The following MAP4K5 variants were observed in gnomAD, a reference collection of about 807,000 sequenced individuals.
The protein encoded by MAP4K5 is MAPK/ERK kinase kinase kinase 5.
In MAP4K5, 82 loss-of-function variants were observed where a neutral mutation model predicts 135.6. The ratio of observed to expected loss-of-function variants is 0.60; its 90% CI spans 0.51 to 0.73. MAP4K5 has a LOEUF of 0.73. MAP4K5 is among the 30% of genes least tolerant of loss of function. The pLI is 0.00. For synonymous variants in MAP4K5, 347 were observed against 335.0 expected, an observed-to-expected ratio of 1.04 and a Z score of -0.39; for missense variants, 907 against 1,010.9, an observed-to-expected ratio of 0.90 and a Z score of 1.39.
In MAP4K5 at chr14:50,468,160, C is replaced by G. The variant is rs28643464; in HGVS notation, c.674+491G>C. Among the ~76,000 whole-genome samples, 7 of 151,828 alleles carry G rather than the reference C, an allele frequency of 4.6e-5. No individual in the cohort carries two copies. The East Asian group carries it at 9.6e-4, about 21-fold the overall frequency. On this transcript the variant is annotated intron_variant, in intron 10 of 32. Coordinates refer to ENST00000682126, the MANE Select transcript of MAP4K5 (RefSeq NM_006575.6). ...TAAAAAGAAACAAAATCAAATATAA[C>G]TAGAAAAGTTTCATCTGCATTCTAT...
At chr14:50,508,046 A>G (rs942418652) in intron 2 of MAP4K5, among the ~76,000 whole-genome samples, 1 of 152,078 alleles carries the variant, frequency 6.6e-6, no homozygotes, top group Non-Finnish European at 1.5e-5. Flanking sequence ...TTGGGTGCAT[A>G]TATATTTAGG....
At chr14:50,456,842 A>T in intron 13 of MAP4K5, 1 of 370,812 alleles carries the variant, frequency 2.7e-6, no homozygotes, top group Non-Finnish European at 4.8e-6. Flanking sequence ...CTTACAGTCT[A>T]GGAAGATAAG....
Position 50,530,435 on chromosome 14 carries a change from T to C in MAP4K5, c.108+1507A>G, listed in dbSNP as rs958006159. ...TTATTGTAGTAGGGAGAAGAGAATA[T>C]ATACAAGTAGAATTTATACTATTGT... On this transcript the variant is annotated intron_variant, in intron 2 of 32. Transcript: ENST00000682126. 2.0e-5 allele frequency among the ~76,000 whole-genome samples: 3 copies of C among 152,198 alleles called. No homozygotes were observed. The East Asian group carries it at 5.8e-4, about 29-fold the overall frequency.
intron 3 of MAP4K5, among the ~76,000 whole-genome samples, chr14:50,491,606 T>C (rs1213860653): frequency 6.6e-6 from 1 of 152,068 alleles, no homozygotes; most frequent in Non-Finnish European, 1.5e-5. Flanking sequence ...TTATTATCTC[T>C]TAAACTCCTA....
intron 14 of MAP4K5, among the ~76,000 whole-genome samples, chr14:50,453,658 C>T (rs1039664014): frequency 6.6e-6 from 1 of 152,118 alleles, no homozygotes; most frequent in African/African-American, 2.4e-5. Flanking sequence ...TTTCTGAACA[C>T]AACACTTCAA....
At chr14:50,476,516 G>C (rs568814984) in intron 6 of MAP4K5, among the ~76,000 whole-genome samples, 2 of 152,290 alleles carry the variant, frequency 1.3e-5, no homozygotes, top group South Asian at 4.1e-4. Flanking sequence ...CTGGAGTGCA[G>C]TGGCAGTGAT....
chr14:50,554,542 C>CA (rs1254385285), intron 1 of MAP4K5, among the ~76,000 whole-genome samples: 1 of 152,144 alleles, frequency 6.6e-6, no homozygotes, highest in Non-Finnish European at 1.5e-5. Flanking sequence ...GGTGTACATC[C>CA]ACTGCTTGAA....
chr14:50,446,807 G>A (rs756406710), intron 16 of MAP4K5, among the ~76,000 whole-genome samples: 2 of 152,124 alleles, frequency 1.3e-5, no homozygotes, highest in African/African-American at 2.4e-5. Flanking sequence ...AGCCATGTAC[G>A]ATACATAAAC....
At chr14:50,439,099 A>G (rs1292780321) in intron 23 of MAP4K5, among the ~76,000 whole-genome samples, 1 of 151,894 alleles carries the variant, frequency 6.6e-6, no homozygotes, top group Non-Finnish European at 1.5e-5. Flanking sequence ...AATATATTAA[A>G]TATTCTTTTG....
intron 22 of MAP4K5, 29 bp from the exon 23 acceptor site, chr14:50,440,102 C>T: frequency 2.4e-6 from 3 of 1,254,826 alleles, no homozygotes; most frequent in Non-Finnish European, 2.2e-6. Flanking sequence ...TTAAGATTCT[C>T]TCATTGTCAT....
intron 31 of MAP4K5, among the ~76,000 whole-genome samples, chr14:50,423,806 T>C (rs554472698): frequency 7.2e-5 from 11 of 152,246 alleles, no homozygotes; most frequent in Non-Finnish European, 1.6e-4. Context: ...TGCTCAGCCA[T>C]GTGCAGGTAC....
chr14:50,560,341 T>G (rs1194505018), intron 1 of MAP4K5: 1 of 1,608,842 alleles, frequency 6.2e-7, no homozygotes, highest in Non-Finnish European at 8.5e-7. Flanking sequence ...CACGGGGTCT[T>G]CTGGCCCTCC....
chr14:50,472,051 T>C (rs955167523), intron 9 of MAP4K5: 3 of 151,898 alleles, frequency 2.0e-5, no homozygotes, highest in Middle Eastern at 3.4e-3. Flanking sequence ...AGAGAACTCA[T>C]ACTGGTGATA....
intron 6 of MAP4K5, among the ~76,000 whole-genome samples, chr14:50,476,575 C>A (rs1433051873): frequency 6.6e-6 from 1 of 152,194 alleles, no homozygotes. Context: ...ATTCACTTGC[C>A]TCCGCCTCCC....
intron 32 of MAP4K5, among the ~76,000 whole-genome samples, chr14:50,421,763 A>G (rs980099311): frequency 6.6e-6 from 1 of 152,088 alleles, no homozygotes; most frequent in African/African-American, 2.4e-5. Flanking sequence ...AGCTCTGAGC[A>G]GAGTAGGTAG....
At chr14:50,475,512 T>C (rs1351105038) in intron 8 of MAP4K5, among the ~76,000 whole-genome samples, 2 of 152,130 alleles carry the variant, frequency 1.3e-5, no homozygotes, top group African/African-American at 4.8e-5. Flanking sequence ...AGCATTCTGG[T>C]ACTATTTTTT....
intron 14 of MAP4K5, among the ~76,000 whole-genome samples, chr14:50,452,196 G>T (rs961403415): frequency 6.6e-6 from 1 of 152,094 alleles, no homozygotes; most frequent in African/African-American, 2.4e-5. Flanking sequence ...ACTTAAATGG[G>T]TTTATTAGGA....
chr14:50,514,984 G>A (rs1467778101), intron 2 of MAP4K5, among the ~76,000 whole-genome samples: 1 of 151,374 alleles, frequency 6.6e-6, no homozygotes, highest in Admixed American at 6.6e-5. Context: ...GCTCACTGCA[G>A]CCTCTGCCTC....
At chr14:50,503,915 T>C (rs1044396429) in intron 3 of MAP4K5, among the ~76,000 whole-genome samples, 2 of 152,012 alleles carry the variant, frequency 1.3e-5, no homozygotes, top group African/African-American at 4.8e-5. Flanking sequence ...GTTAGTGACA[T>C]TTTGGAGATC....
Sources: allele counts gnomAD v4.1 joint callset (sites outside exome capture counted in the v4.1 genomes callset), GRCh38; gene constraint gnomAD v4.1.1; transcripts MANE v1.5; gene names NCBI Gene and HGNC (gene_info 2026-07-23, HGNC 2026-07-21).